The following BAZ1A variants were observed in gnomAD, a reference collection of about 807,000 sequenced individuals.
BAZ1A encodes bromodomain adjacent to zinc finger domain 1A, also known as bromodomain adjacent to zinc finger domain protein 1A.
BAZ1A carries 50 observed loss-of-function variants against 185.2 expected under a neutral mutation model. The ratio of observed to expected loss-of-function variants is 0.27; its 90% CI spans 0.22 to 0.34. The LOEUF (loss-of-function observed/expected upper bound fraction) is 0.34. Ranked by LOEUF, BAZ1A falls within the 10% of genes least tolerant of loss-of-function variation. The pLI is 1.00. For synonymous variants in BAZ1A, 571 were observed against 615.6 expected, an observed-to-expected ratio of 0.93 and a Z score of 1.07; for missense variants, 1,356 against 1,839.9, an observed-to-expected ratio of 0.74 and a Z score of 4.81.
chr14:34,841,218 G>A (rs1007242139), intron 3 of BAZ1A, among the ~76,000 whole-genome samples: 3 of 152,190 alleles, frequency 2.0e-5, no homozygotes, highest in African/African-American at 4.8e-5. Flanking sequence ...GGAAGGAGAT[G>A]AAGGAAATTG....
chr14:34,873,370 T>A (rs2042982933), intron 2 of BAZ1A, among the ~76,000 whole-genome samples: 1 of 152,136 alleles, frequency 6.6e-6, no homozygotes, highest in Admixed American at 6.6e-5. Context: ...GAGTGATTGA[T>A]CAAGTCAGGT....
intron 25 of BAZ1A, 90 bp downstream of exon 25, chr14:34,758,614 G>T: frequency 7.8e-7 from 1 of 1,287,996 alleles, no homozygotes; most frequent in East Asian, 2.4e-5. Flanking sequence ...ACTAGACAGT[G>T]AGTAACAGGT....
chr14:34,758,918 A>C, intron 24 of BAZ1A, 72 bp from the exon 25 acceptor site: 1 of 1,438,794 alleles, frequency 7.0e-7, no homozygotes, highest in Non-Finnish European at 9.5e-7. Flanking sequence ...CAAACTGGAT[A>C]TATAAATACC....
At chr14:34,827,171 T>C (rs1424301661) in intron 3 of BAZ1A, among the ~76,000 whole-genome samples, 1 of 152,148 alleles carries the variant, frequency 6.6e-6, no homozygotes, top group South Asian at 2.1e-4. Flanking sequence ...CCTTCTAAAA[T>C]CCAATGAGAC....
rs773822463 is a variant in BAZ1A at position 34,795,724 on chromosome 14, T to C, written c.1170A>G (p.Glu390=). ...KLREEKRKYV[E]YLKQWSKPRE... is the part of the protein sequence containing the mutation. ...TAGGTTTACTCCACTGTTTTAAGTA[T>C]TCCACATACTTTCGCTTTTCTTCAC... Residue 390 remains glutamate, a synonymous_variant, in exon 10 of 27, where the codon GAA becomes GAG. Coordinates refer to ENST00000360310, the MANE Select transcript of BAZ1A (RefSeq NM_013448.3). The C allele has an allele frequency of 2.5e-6, 4 of 1,613,434 alleles. No individual in the cohort carries two copies. The highest frequency in any genetic ancestry group is 2.5e-6 in the Non-Finnish European group (3 of 1,179,872).
chr14:34,847,020 G>A (rs1006624626), intron 3 of BAZ1A, among the ~76,000 whole-genome samples: 3 of 152,216 alleles, frequency 2.0e-5, no homozygotes, highest in African/African-American at 7.2e-5. Context: ...GGAGGCTGAA[G>A]TGGGTGTATC....
rs113235072 is a variant in BAZ1A at position 34,874,834 on chromosome 14, G to C, written c.-58-172C>G. ...GCTGCCCGGGTGTCGAGCGAGCGGA[G>C]CCGCCGCCGCCCCTGCCCCCCGAGC... is the stretch of plus-strand genomic sequence containing the variant. On this transcript the variant is annotated intron_variant, in intron 1 of 26. Coordinates refer to ENST00000360310, the MANE Select transcript of BAZ1A (RefSeq NM_013448.3). This position sits in a 1 kb window ranked among gnomAD's most constrained non-coding sequence, Gnocchi z 4.7. 0.074 allele frequency: 31,701 copies of C among 429,096 alleles called. 1,445 individuals carry two copies. Among genetic ancestry groups the C allele is most frequent in the South Asian group, 0.15 (4,422 of 30,202 alleles). 26.6% of individuals were successfully genotyped at this position (429,096 alleles called of 1,614,324 possible). A position where few individuals can be genotyped will look rare whatever the true frequency, so the allele number is the denominator to read the frequency against.
At chr14:34,786,605 G>C (rs60095118) in intron 12 of BAZ1A, 1 of 119,186 alleles carries the variant, frequency 8.4e-6, no homozygotes, top group South Asian at 2.5e-4. Context: ...TTTTATGTGT[G>C]TTTTTTTTTT....
intron 6 of BAZ1A, 133 bp from the exon 7 acceptor site, chr14:34,803,121 C>T: frequency 1.0e-6 from 1 of 954,506 alleles, no homozygotes; most frequent in Non-Finnish European, 1.5e-6. Context: ...TGGCTCATGC[C>T]TGTAATCCCA....
At chr14:34,808,366 C>G (rs1046641620) in intron 5 of BAZ1A, among the ~76,000 whole-genome samples, 1 of 151,862 alleles carries the variant, frequency 6.6e-6, no homozygotes, top group African/African-American at 2.4e-5. Flanking sequence ...GCGGTAGTGG[C>G]ACATGCCTGT....
At chr14:34,825,945 A>AC (rs2042160005) in intron 4 of BAZ1A, 68 bp downstream of exon 4, 1 of 1,425,320 alleles carries the variant, frequency 7.0e-7, no homozygotes, top group Non-Finnish European at 9.3e-7. Context: ...CTCAAAAAAA[A>AC]AGTTATTTCA....
intron 19 of BAZ1A, 38 bp from the exon 20 acceptor site, chr14:34,773,764 G>A: frequency 6.3e-7 from 1 of 1,599,342 alleles, no homozygotes; most frequent in Non-Finnish European, 8.5e-7. Context: ...ATGAAAAATG[G>A]AATATATTGT....
chr14:34,850,272 G>A (rs1163692517), intron 3 of BAZ1A, among the ~76,000 whole-genome samples: 2 of 152,030 alleles, frequency 1.3e-5, no homozygotes, highest in Non-Finnish European at 2.9e-5. Flanking sequence ...CAGCTACTTC[G>A]GAGGCTGAGG....
chr14:34,779,077 T>C (rs1437334709), intron 17 of BAZ1A, among the ~76,000 whole-genome samples: 2 of 152,130 alleles, frequency 1.3e-5, no homozygotes, highest in African/African-American at 4.8e-5. Context: ...TTTGAACTCC[T>C]GGGCTTAAGC....
intron 24 of BAZ1A, among the ~76,000 whole-genome samples, chr14:34,759,182 T>TGTTTTG (rs1379077587): frequency 8.4e-6 from 1 of 119,062 alleles, no homozygotes; most frequent in African/African-American, 3.8e-5. Context: ...TTTTTTTTTT[T>TGTTTTG]TTTTTTTTTT....
chr14:34,857,576 A>G (rs1262999795), intron 3 of BAZ1A, among the ~76,000 whole-genome samples: 1 of 152,136 alleles, frequency 6.6e-6, no homozygotes, highest in African/African-American at 2.4e-5. Flanking sequence ...CATCCAATCC[A>G]TGAATAAATC....
chr14:34,872,508 G>A (rs1198735228), intron 2 of BAZ1A, among the ~76,000 whole-genome samples: 4 of 152,060 alleles, frequency 2.6e-5, no homozygotes, highest in Non-Finnish European at 5.9e-5. Flanking sequence ...GTAAGGTGGG[G>A]GGGGATTGTT....
chr14:34,821,038 G>C (rs2042081476), intron 4 of BAZ1A, among the ~76,000 whole-genome samples: 2 of 152,058 alleles, frequency 1.3e-5, no homozygotes, highest in South Asian at 4.1e-4. Flanking sequence ...GGCTATTCTG[G>C]GTCTCCCGTC....
chr14:34,756,001 CTT>C (rs146543442), intron 25 of BAZ1A, among the ~76,000 whole-genome samples: 3 of 142,992 alleles, frequency 2.1e-5, no homozygotes. Context: ...TTTTCTTTTT[CTT>C]TTTTTTTTTG....
Sources: gnomAD v4.1 joint callset for allele counts (sites outside exome capture counted in the v4.1 genomes callset) on GRCh38, gnomAD v4.1.1 for gene constraint, Gnocchi (gnomAD v3.1) non-coding constraint, MANE v1.5 for transcripts, NCBI Gene and HGNC (gene_info 2026-07-23, HGNC 2026-07-21) for gene names.